Variants in LPP observed in about 807,000 individuals in gnomAD.
LPP encodes the protein lipoma-preferred partner.
A neutral mutation model predicts 60.4 loss-of-function variants in LPP; 38 were observed. The observed-to-expected ratio is 0.63, with a 90% CI of 0.49 to 0.83. The LOEUF is 0.83. LPP is among the 40% of genes least tolerant of loss of function. The pLI, the probability that LPP is intolerant of heterozygous loss-of-function variation, is 0.00. For missense variants in LPP, 902 were observed against 783.6 expected (o/e 1.15, Z -1.80); for synonymous variants, 328 against 290.8 (o/e 1.13, Z -1.30).
intron 5 of LPP, among the ~76,000 whole-genome samples, chr3:188,516,924 C>A (rs1200115996): frequency 1.3e-5 from 2 of 152,104 alleles, no homozygotes; most frequent in East Asian, 3.9e-4. Context: ...TAATTCCTGG[C>A]ACCCTTACAC....
At chr3:188,490,753 T>TTC (rs1808109779) in intron 5 of LPP, among the ~76,000 whole-genome samples, 1 of 138,072 alleles carries the variant, frequency 7.2e-6, no homozygotes, top group South Asian at 2.4e-4. Flanking sequence ...GCACTGGAAT[T>TTC]TTTTTTTTTT....
intron 9 of LPP, among the ~76,000 whole-genome samples, chr3:188,788,319 A>G (rs1022404771): frequency 3.9e-5 from 6 of 152,134 alleles, no homozygotes; most frequent in Non-Finnish European, 5.9e-5. Flanking sequence ...AAACAGAGAG[A>G]TTGTCTCATG....
chr3:188,349,158 C>T (rs1355157890), intron 3 of LPP, among the ~76,000 whole-genome samples: 2 of 152,080 alleles, frequency 1.3e-5, no homozygotes, highest in African/African-American at 4.8e-5. Context: ...CTGCTTTACC[C>T]TATTACTCAA....
At chr3:188,736,855 A>G (rs1434647889) in intron 8 of LPP, among the ~76,000 whole-genome samples, 1 of 152,076 alleles carries the variant, frequency 6.6e-6, no homozygotes, top group Non-Finnish European at 1.5e-5. Context: ...AAAACTTATA[A>G]TGGCAAATAG....
intron 2 of LPP, among the ~76,000 whole-genome samples, chr3:188,293,020 C>A (rs553509201): frequency 6.6e-6 from 1 of 152,272 alleles, no homozygotes; most frequent in East Asian, 1.9e-4. Flanking sequence ...ATGAAATCAC[C>A]AGCATTACAA....
chr3:188,200,126 T>A lies in LPP; in HGVS notation c.-189-25279T>A, dbSNP rs535854051. ...AATAAAGAATGAGTGATCGGTTAAT[T>A]TATCTATTTTTTTTTCCCTCCTGCA... On this transcript the variant is annotated intron_variant, in intron 1 of 11. Transcript: ENST00000617246. 1.4e-4 allele frequency among the ~76,000 whole-genome samples: 22 copies of A among 152,292 alleles called. No individual in the cohort carries two copies. In the East Asian group the frequency reaches 3.9e-3, roughly 27 times the overall value.
intron 3 of LPP, among the ~76,000 whole-genome samples, chr3:188,399,572 C>T (rs1260214576): frequency 6.6e-6 from 1 of 152,156 alleles, no homozygotes; most frequent in East Asian, 1.9e-4. Flanking sequence ...GCACACTGAC[C>T]AAGAGCTAGG....
At chr3:188,737,866 G>T (rs1014186164) in intron 8 of LPP, among the ~76,000 whole-genome samples, 22 of 152,152 alleles carry the variant, frequency 1.4e-4, no homozygotes, top group Admixed American at 8.5e-4. Context: ...AATCTGTGCT[G>T]TTTAAATGGT....
At chr3:188,417,850 C>T (rs1036235732) in intron 4 of LPP, among the ~76,000 whole-genome samples, 11 of 152,148 alleles carry the variant, frequency 7.2e-5, no homozygotes, top group Non-Finnish European at 1.3e-4. Flanking sequence ...TTTCAGGCAG[C>T]TTTTTTTACC....
chr3:188,327,499 G>A (rs1391206569), intron 2 of LPP, among the ~76,000 whole-genome samples: 1 of 152,168 alleles, frequency 6.6e-6, no homozygotes, highest in African/African-American at 2.4e-5. Flanking sequence ...AAACAGGTTT[G>A]GAGAGATACT....
chr3:188,724,944 T>C (rs776974082), intron 8 of LPP, among the ~76,000 whole-genome samples: 1 of 152,218 alleles, frequency 6.6e-6, no homozygotes, highest in South Asian at 2.1e-4. Flanking sequence ...TCAAAAGAGT[T>C]CAGTGCAATA....
At chr3:188,662,841 T>C (rs1047645011) in intron 7 of LPP, among the ~76,000 whole-genome samples, 17 of 152,274 alleles carry the variant, frequency 1.1e-4, no homozygotes, top group Non-Finnish European at 2.2e-4. Context: ...ATGTAAATAA[T>C]ATTATAACGT....
rs147564391 is a variant in LPP, at chr3:188,294,181, G to C, written c.-66-47482G>C. Reference sequence around the variant, plus strand: ...TCTGTAGCGATAGAAAGTAGTGGTTGCCGGCAGGGTTGGGGTAGAGGATAG... The same window carrying C: ...TCTGTAGCGATAGAAAGTAGTGGTTCCCGGCAGGGTTGGGGTAGAGGATAG... On this transcript the variant is annotated intron_variant, in intron 2 of 11. Coordinates refer to ENST00000617246, the MANE Select transcript of LPP (RefSeq NM_001375462.1). 2.2e-4 allele frequency among the ~76,000 whole-genome samples: 33 copies of C among 151,948 alleles called. No individual in the cohort carries two copies. In the East Asian group the frequency reaches 6.0e-3, roughly 28 times the overall value.
chr3:188,448,815 A>G (rs774241303), intron 4 of LPP, among the ~76,000 whole-genome samples: 3 of 152,218 alleles, frequency 2.0e-5, no homozygotes. Context: ...GTTCATAAAA[A>G]TCTTAGTGAG....
intron 4 of LPP, among the ~76,000 whole-genome samples, chr3:188,452,072 T>G (rs1296591842): frequency 2.0e-5 from 3 of 152,304 alleles, no homozygotes; most frequent in East Asian, 1.9e-4. Context: ...CAATCTGGTT[T>G]CAGATTCTTT....
intron 9 of LPP, among the ~76,000 whole-genome samples, 157 bp downstream of exon 9, chr3:188,760,439 T>TGC (rs1470294600): frequency 2.4e-4 from 36 of 150,042 alleles, no homozygotes; most frequent in African/African-American, 8.2e-4. Flanking sequence ...TGTGTGTGCG[T>TGC]GCGCGCATGT....
At chr3:188,355,100 C>G (rs1262199285) in intron 3 of LPP, among the ~76,000 whole-genome samples, 1 of 152,132 alleles carries the variant, frequency 6.6e-6, no homozygotes, top group Non-Finnish European at 1.5e-5. Flanking sequence ...TCTCCACCTC[C>G]TGGGTTCAAG....
chr3:188,485,396 G>T (rs1806061559), intron 5 of LPP, among the ~76,000 whole-genome samples: 1 of 152,130 alleles, frequency 6.6e-6, no homozygotes, highest in South Asian at 2.1e-4. Context: ...CTAATAAAGT[G>T]ATAGAATTAT....
chr3:188,201,288 G>A (rs1731011371), intron 1 of LPP, among the ~76,000 whole-genome samples: 2 of 152,196 alleles, frequency 1.3e-5, no homozygotes, highest in Non-Finnish European at 2.9e-5. Context: ...GCCCTACACA[G>A]CAGGCTCAGC....
Sources: allele counts gnomAD v4.1 joint callset (sites outside exome capture counted in the v4.1 genomes callset), GRCh38; gene constraint gnomAD v4.1.1; transcripts MANE v1.5; gene names NCBI Gene and HGNC (gene_info 2026-07-23, HGNC 2026-07-21).